PRDM13: variants seen among roughly 807,000 people sequenced by gnomAD.
PRDM13 encodes the protein PR domain zinc finger protein 13.
A neutral mutation model predicts 36.4 loss-of-function variants in PRDM13; 15 were observed. That is an observed-to-expected ratio of 0.41 (90% CI 0.28 to 0.64). PRDM13 has a LOEUF of 0.64. Ranked by LOEUF, PRDM13 falls within the 30% of genes least tolerant of loss-of-function variation. The probability of loss-of-function intolerance (pLI) is 0.29; values close to 1 mark genes in which losing one functional copy is unlikely to be tolerated. For synonymous variants in PRDM13, 531 were observed against 467.7 expected, an observed-to-expected ratio of 1.14 and a Z score of -1.75; for missense variants, 1,044 against 1,013.5, an observed-to-expected ratio of 1.03 and a Z score of -0.41.
Position 99,606,959 on chromosome 6 carries a change from G to T in PRDM13, c.-76G>T. 1 of 1,457,106 alleles carries T rather than the reference G, an allele frequency of 6.9e-7. No homozygotes were observed. 90.3% of individuals were successfully genotyped at this position (1,457,106 alleles called of 1,614,324 possible). On this transcript the variant is annotated 5_prime_UTR_variant, in exon 1 of 4. Coordinates refer to ENST00000369215, the MANE Select transcript of PRDM13 (RefSeq NM_021620.4). ...CGGGGCGCGGCTCTCTGGCTAGCGC[G>T]CAGCTCCAGCTCTGTCACTCGCGCC...
intron 1 of PRDM13, 68 bp downstream of exon 1, chr6:99,607,246 C>A: frequency 1.3e-6 from 2 of 1,579,636 alleles, no homozygotes; most frequent in Non-Finnish European, 1.7e-6. Context: ...GAAAGGGGTA[C>A]GAGAGAAAGT....
chr6:99,613,352 G>A lies in PRDM13; in HGVS notation c.717G>A (p.Ser239=), dbSNP rs1168716285. Residue 239 remains serine (S), a synonymous_variant, in exon 4 of 4, where the codon TCG becomes TCA. Transcript: ENST00000369215. The surrounding 1 kb of genome is among the most constrained non-coding windows in gnomAD (Gnocchi z 6.1). ...REASSAPSAT[S]PTPGKWGQPK... is the part of the protein sequence containing the mutation. ...CCTCTTCCGCGCCCTCGGCCACCTC[G>A]CCGACCCCAGGCAAGTGGGGGCAGC... The A allele has an allele frequency of 1.3e-6, 2 of 1,547,868 alleles. No individual in the cohort carries two copies. Among genetic ancestry groups the A allele is most frequent in the African/African-American group, 2.7e-5 (2 of 73,430 alleles).
At position 99,613,045 on chromosome 6, in the gene PRDM13, A is replaced by G; in HGVS notation, c.410A>G (p.Tyr137Cys). ...PTHDEKGEERYICWYCWRTFR... is the reference protein window; with the variant it reads ...PTHDEKGEERCICWYCWRTFR... ...CTTTCTTGCCCAGGGGAGGAGCGCT[A>G]CATCTGCTGGTACTGCTGGAGGACG... is the stretch of plus-strand genomic sequence containing the variant. Residue 137 changes from tyrosine to cysteine, a missense_variant, in exon 4 of 4, where the codon TAC becomes TGC. By Grantham distance (194) the Tyr-to-Cys change is radical. Around this residue, in one of 3 missense-constraint regions of PRDM13, gnomAD observed 921 missense variants for 865.2 expected, o/e 1.06. Transcript: ENST00000369215. The surrounding 1 kb of genome is among the most constrained non-coding windows in gnomAD (Gnocchi z 6.1). 1 of 1,612,948 alleles carries G rather than the reference A, an allele frequency of 6.2e-7. No homozygotes were observed. Among genetic ancestry groups the G allele is most frequent in the Non-Finnish European group, 8.5e-7 (1 of 1,179,808 alleles).
Position 99,613,613 on chromosome 6 carries a change from G to A in PRDM13, c.978G>A (p.Leu326=). 6.8e-7 allele frequency: 1 copy of A among 1,479,854 alleles called. No homozygotes were observed. 91.7% of individuals were successfully genotyped at this position (1,479,854 alleles called of 1,614,324 possible). Residue 326 remains leucine, a synonymous_variant, in exon 4 of 4, where the codon TTG becomes TTA. Transcript: ENST00000369215. The surrounding 1 kb of genome is among the most constrained non-coding windows in gnomAD (Gnocchi z 6.1). ...SSSKQGAGLA[L]GRLLGGGRAC... is the part of the protein sequence containing the mutation. ...GCAAGCAAGGAGCCGGCCTCGCTTT[G>A]GGCAGGCTGCTGGGCGGGGGCCGGG...
chr6:99,613,382 G>A lies in PRDM13; in HGVS notation c.747G>A (p.Lys249=). The change falls in exon 4 of 4, where the codon AAG becomes AAA. Residue 249 remains lysine (K), a synonymous_variant. Transcript: ENST00000369215. This position sits in a 1 kb window ranked among gnomAD's most constrained non-coding sequence, Gnocchi z 6.1. ...CCCCAGGCAAGTGGGGGCAGCCCAA[G>A]AAGGGCAAGGAGCAGCTGGACCGTG... is the stretch of plus-strand genomic sequence containing the variant. ...SPTPGKWGQP[K]KGKEQLDRAL... is the part of the protein sequence containing the mutation. 6.4e-7 allele frequency: 1 copy of A among 1,552,906 alleles called. No individual in the cohort carries two copies. Among genetic ancestry groups the A allele is most frequent in the Non-Finnish European group, 8.6e-7 (1 of 1,156,236 alleles).
In PRDM13 at chr6:99,614,965, C is replaced by T. The variant is rs1236154962; in HGVS notation, c.*206C>T. 1.4e-5 allele frequency: 10 copies of T among 716,010 alleles called. No homozygotes were observed. Among genetic ancestry groups the T allele is most frequent in the Non-Finnish European group, 2.0e-5 (9 of 455,032 alleles). The allele number at this position is 716,010 out of a possible 1,614,324, so 44.4% of individuals were successfully genotyped here. On this transcript the variant is annotated 3_prime_UTR_variant, in exon 4 of 4. Transcript: ENST00000369215. ...CAGTTCAGAGGTGGCGTAAATCTGG[C>T]CACCTGGAGAGCTCGAGTGCCACCA...
At position 99,613,672 on chromosome 6, in the gene PRDM13, C is replaced by T; in HGVS notation, c.1037C>T (p.Ala346Val). The change falls in exon 4 of 4, where the codon GCG becomes GTG. Residue 346 changes from alanine (A) to valine (V), a missense_variant. This residue lies in a region of PRDM13 where 921 missense variants were observed against 865.2 expected (regional missense o/e 1.06). Transcript: ENST00000369215. The surrounding 1 kb of genome is among the most constrained non-coding windows in gnomAD (Gnocchi z 6.1). ...CGRPGSGENS[A>V]AGGAGHHHHH... is the part of the protein sequence containing the mutation. ...CGCCCCGGGAGCGGGGAGAACTCGG[C>T]GGCGGGCGGCGCGGGTCACCACCAT... 3.5e-6 allele frequency: 5 copies of T among 1,417,206 alleles called. No homozygotes were observed. The highest frequency in any genetic ancestry group is 3.6e-6 in the Non-Finnish European group (4 of 1,100,804). The allele number at this position is 1,417,206 out of a possible 1,614,324, so 87.8% of individuals were successfully genotyped here.
Position 99,614,181 on chromosome 6 carries a change from G to A in PRDM13, c.1546G>A (p.Ala516Thr). 16 of 1,604,400 alleles carry A rather than the reference G, an allele frequency of 1.0e-5. No homozygotes were observed. Among genetic ancestry groups the A allele is most frequent in the Non-Finnish European group, 1.4e-5 (16 of 1,178,024 alleles). ...ALSPAELGSL[A>T]SIDREIAMHN... is the part of the protein sequence containing the mutation. ...AAGCCCCGCCGAGCTGGGGTCGCTG[G>A]CCAGCATCGACCGAGAGATCGCCAT... is the stretch of plus-strand genomic sequence containing the variant. The change falls in exon 4 of 4, where the codon GCC becomes ACC. Residue 516 changes from alanine (A) to threonine (T), a missense_variant. Around this residue, in one of 3 missense-constraint regions of PRDM13, gnomAD observed 921 missense variants for 865.2 expected, o/e 1.06. Coordinates refer to ENST00000369215, the MANE Select transcript of PRDM13 (RefSeq NM_021620.4).
Position 99,613,319 on chromosome 6 carries a change from G to T in PRDM13, c.684G>T (p.Lys228Asn). Residue 228 changes from lysine to asparagine, a missense_variant, in exon 4 of 4, where the codon AAG (lysine) becomes AAT (asparagine). Physicochemically the swap from Lys to Asn is moderately conservative, Grantham distance 94. Around this residue, in one of 3 missense-constraint regions of PRDM13, gnomAD observed 921 missense variants for 865.2 expected, o/e 1.06. Coordinates refer to ENST00000369215, the MANE Select transcript of PRDM13 (RefSeq NM_021620.4). The surrounding 1 kb of genome is among the most constrained non-coding windows in gnomAD (Gnocchi z 6.1). ...VQACGAREGIKREASSAPSAT... is the reference protein window; with the variant it reads ...VQACGAREGINREASSAPSAT... ...CCTGCGGTGCGCGGGAGGGCATCAA[G>T]CGCGAGGCCTCTTCCGCGCCCTCGG... 6.4e-7 allele frequency: 1 copy of T among 1,560,908 alleles called. No homozygotes were observed.
At position 99,610,931 on chromosome 6, in the gene PRDM13, AT is replaced by A. The variant is rs556705762; in HGVS notation, c.397+1634del. On this transcript the variant is annotated intron_variant, in intron 3 of 3. Coordinates refer to ENST00000369215, the MANE Select transcript of PRDM13 (RefSeq NM_021620.4). ...TATGGTAACAGATGTCAAAATAAAC[AT>A]TTTTTTTTTCTGGAGGTGAGAAGGC... Among the ~76,000 whole-genome samples, 198 of 149,920 alleles carry A rather than the reference AT, an allele frequency of 1.3e-3. 1 individual carries two copies. Among genetic ancestry groups the A allele is most frequent in the East Asian group, 1.2e-3 (6 of 5,136 alleles).
At position 99,609,367 on chromosome 6, in the gene PRDM13, C is replaced by A. The variant is rs1769999931; in HGVS notation, c.397+60C>A. On this transcript the variant is annotated intron_variant, in intron 3 of 3. Transcript: ENST00000369215. Reference sequence around the variant, plus strand: ...CAGCCCTCCTCCTCCTGTCTTGAAGCGAGTCCCTAGACATAGCTCGATCTA... The same window carrying A: ...CAGCCCTCCTCCTCCTGTCTTGAAGAGAGTCCCTAGACATAGCTCGATCTA... The A allele has an allele frequency of 1.9e-6, 3 of 1,574,372 alleles. No individual in the cohort carries two copies. In the African/African-American group the frequency reaches 4.1e-5, roughly 21 times the overall value.
intron 3 of PRDM13, among the ~76,000 whole-genome samples, chr6:99,611,468 C>T (rs1315787012): frequency 6.6e-6 from 1 of 151,886 alleles, no homozygotes; most frequent in African/African-American, 2.4e-5. Flanking sequence ...ATGTTCAGTA[C>T]AAGGTAACAG....
At position 99,614,970 on chromosome 6, in the gene PRDM13, T is replaced by C; in HGVS notation, c.*211T>C. 7.2e-6 allele frequency: 5 copies of C among 699,018 alleles called. No homozygotes were observed. Among genetic ancestry groups the C allele is most frequent in the Non-Finnish European group, 1.1e-5 (5 of 440,008 alleles). 43.3% of individuals were successfully genotyped at this position (699,018 alleles called of 1,614,324 possible). A position where few individuals can be genotyped will look rare whatever the true frequency, so the allele number is the denominator to read the frequency against. ...CAGAGGTGGCGTAAATCTGGCCACC[T>C]GGAGAGCTCGAGTGCCACCAGTACC... On this transcript the variant is annotated 3_prime_UTR_variant, in exon 4 of 4. Coordinates refer to ENST00000369215, the MANE Select transcript of PRDM13 (RefSeq NM_021620.4).
rs547162334 is a variant in PRDM13 at position 99,614,125 on chromosome 6, C to T, written c.1490C>T (p.Ser497Phe). 1 of 1,598,860 alleles carries T rather than the reference C, an allele frequency of 6.3e-7. No homozygotes were observed. The highest frequency in any genetic ancestry group is 1.1e-5 in the South Asian group (1 of 90,548). ...GGLLKYPESI[S>F]YFSGPAAAAL... ...CTGCTGAAGTATCCGGAGTCCATCT[C>T]CTACTTCAGCGGGCCTGCAGCGGCC... The change falls in exon 4 of 4, where the codon TCC (serine) becomes TTC (phenylalanine). Residue 497 changes from serine (S) to phenylalanine (F), a missense_variant. Coordinates refer to ENST00000369215, the MANE Select transcript of PRDM13 (RefSeq NM_021620.4).
At chr6:99,612,902 C>T (rs563226959) in intron 3 of PRDM13, 131 bp from the exon 4 acceptor site, 1 of 1,479,052 alleles carries the variant, frequency 6.8e-7, no homozygotes, top group East Asian at 2.5e-5. Context: ...GTAGGGCTAC[C>T]GAACTTATAT....
chr6:99,607,046 C>T lies in PRDM13; in HGVS notation c.12C>T (p.Ala4=). The change falls in exon 1 of 4, where the codon GCC becomes GCT. Residue 4 remains alanine (A), a synonymous_variant. Coordinates refer to ENST00000369215, the MANE Select transcript of PRDM13 (RefSeq NM_021620.4). The part of the protein sequence containing the change: MHG[A]ARAPATSVSA... The stretch of plus-strand genomic sequence containing the variant: ...TGGCGGCGGCAACAATGCACGGAGC[C>T]GCCAGAGCGCCAGCCACCAGCGTGA... The T allele has an allele frequency of 6.2e-7, 1 of 1,610,830 alleles. No individual in the cohort carries two copies. The highest frequency in any genetic ancestry group is 8.5e-7 in the Non-Finnish European group (1 of 1,178,724).
At position 99,606,894 on chromosome 6, in the gene PRDM13, C is replaced by A; in HGVS notation, c.-141C>A. 8.5e-7 allele frequency: 1 copy of A among 1,173,518 alleles called. No homozygotes were observed. The highest frequency in any genetic ancestry group is 1.2e-6 in the Non-Finnish European group (1 of 866,924). 72.7% of individuals were successfully genotyped at this position (1,173,518 alleles called of 1,614,324 possible). ...CCGCCCCGATTGAAAAGGCGCAGTG[C>A]ATGCCCGCCCGCGTCACTCCGCGGG... On this transcript the variant is annotated 5_prime_UTR_variant, in exon 1 of 4. Coordinates refer to ENST00000369215, the MANE Select transcript of PRDM13 (RefSeq NM_021620.4).
chr6:99,615,032 C>T lies in PRDM13; in HGVS notation c.*273C>T, dbSNP rs1770111069. ...GGCCTCTGGACTTCTTGGATGAGCT[C>T]ACCCTGAACCGCCCAGGCGGTCTGC... On this transcript the variant is annotated 3_prime_UTR_variant, in exon 4 of 4. Transcript: ENST00000369215. 6.0e-6 allele frequency: 3 copies of T among 503,258 alleles called. No individual in the cohort carries two copies. Among genetic ancestry groups the T allele is most frequent in the Non-Finnish European group, 1.0e-5 (3 of 289,320 alleles). The allele number at this position is 503,258 out of a possible 1,614,324, so 31.2% of individuals were successfully genotyped here.
intron 3 of PRDM13, 38 bp from the exon 4 acceptor site, chr6:99,612,995 C>T: frequency 1.2e-6 from 2 of 1,609,470 alleles, no homozygotes; most frequent in Middle Eastern, 1.7e-4. Context: ...CGCTTGTTCG[C>T]CTCTCACCGG....
Sources: gnomAD v4.1 joint callset for allele counts (sites outside exome capture counted in the v4.1 genomes callset) on GRCh38, gnomAD v4.1.1 for gene constraint, gnomAD v4.1.1 regional missense constraint, Gnocchi (gnomAD v3.1) non-coding constraint, MANE v1.5 for transcripts, NCBI Gene and HGNC (gene_info 2026-07-23, HGNC 2026-07-21) for gene names.